Variants in SYNPO2 observed in about 807,000 individuals in gnomAD.
The protein encoded by SYNPO2 is synaptopodin 2.
SYNPO2 carries 56 observed loss-of-function variants against 85.0 expected under a neutral mutation model. The ratio of observed to expected loss-of-function variants is 0.66; its 90% CI spans 0.53 to 0.82. The LOEUF is 0.82. Among genes scored for constraint, SYNPO2 ranks in the 40% least tolerant of loss-of-function variants. The pLI is 0.00. For synonymous variants in SYNPO2, 602 were observed against 591.1 expected (o/e 1.02, Z -0.27); for missense variants, 1,575 against 1,534.2 (o/e 1.03, Z -0.44).
chr4:119,038,623 A>ATAAT (rs1738610470), intron 4 of SYNPO2: 1 of 914,548 alleles, frequency 1.1e-6, no homozygotes, highest in African/African-American at 1.8e-5. Context: ...TACTAAACCA[A>ATAAT]TAATAACTTA....
Position 119,059,207 on chromosome 4 carries a change from G to A in SYNPO2, c.*1273G>A, listed in dbSNP as rs1024439457. 2 of 152,188 alleles carry A rather than the reference G, an allele frequency of 1.3e-5. No homozygotes were observed. Among genetic ancestry groups the A allele is most frequent in the Non-Finnish European group, 2.9e-5 (2 of 68,032 alleles). 9.4% of individuals were successfully genotyped at this position (152,188 alleles called of 1,614,324 possible). A position where few individuals can be genotyped will look rare whatever the true frequency, so the allele number is the denominator to read the frequency against. ...TGTTAGGCGGCAGGCTTTGTGTTAC[G>A]TGTTACATGGAGTGAGGGTAGATGT... On this transcript the variant is annotated 3_prime_UTR_variant, in exon 5 of 5. Coordinates refer to ENST00000307142, the MANE Select transcript of SYNPO2 (RefSeq NM_133477.3).
chr4:119,019,592 C>T (rs1032758770), intron 1 of SYNPO2, among the ~76,000 whole-genome samples: 3 of 152,104 alleles, frequency 2.0e-5, no homozygotes, highest in Admixed American at 2.0e-4. Context: ...TCTGAATTCA[C>T]CAGTCCCTTC....
chr4:119,023,641 C>A, intron 2 of SYNPO2, 60 bp downstream of exon 2: 1 of 1,552,274 alleles, frequency 6.4e-7, no homozygotes, highest in Non-Finnish European at 8.7e-7. Flanking sequence ...ATGATTATAG[C>A]TTTTACTACA....
At chr4:118,945,314 A>G (rs553499136) in intron 1 of SYNPO2, among the ~76,000 whole-genome samples, 1 of 152,344 alleles carries the variant, frequency 6.6e-6, no homozygotes, top group Non-Finnish European at 1.5e-5. Flanking sequence ...CTTAATTGCC[A>G]AAGATCAATA....
At chr4:119,039,826 G>A (rs1430650078) in intron 4 of SYNPO2, among the ~76,000 whole-genome samples, 1 of 152,032 alleles carries the variant, frequency 6.6e-6, no homozygotes, top group Admixed American at 6.5e-5. Context: ...TTTTAATTTA[G>A]GAAAAGCAAA....
At chr4:118,864,446 A>G (rs1352270327) in intron 1 of SYNPO2, among the ~76,000 whole-genome samples, 1 of 152,240 alleles carries the variant, frequency 6.6e-6, no homozygotes, top group Non-Finnish European at 1.5e-5. Context: ...GTAAATATCT[A>G]TTAGGTCCAT....
chr4:118,992,842 C>T (rs11939869), intron 1 of SYNPO2, among the ~76,000 whole-genome samples: 2,543 of 152,266 alleles, frequency 0.017, 47 homozygotes, highest in African/African-American at 0.045. Flanking sequence ...GTTTCATAAG[C>T]GCCCACCAAT....
chr4:118,877,054 C>T (rs1731939372), intron 1 of SYNPO2, among the ~76,000 whole-genome samples: 1 of 152,006 alleles, frequency 6.6e-6, no homozygotes, highest in Non-Finnish European at 1.5e-5. Flanking sequence ...GACCCTCCTG[C>T]CTCAGCCTCC....
At chr4:118,915,829 CT>C (rs1383671633) in intron 1 of SYNPO2, among the ~76,000 whole-genome samples, 1 of 152,130 alleles carries the variant, frequency 6.6e-6, no homozygotes, top group African/African-American at 2.4e-5. Context: ...TCTACAACTT[CT>C]TAATGCTTCA....
At chr4:118,995,447 A>C (rs867102493) in intron 1 of SYNPO2, among the ~76,000 whole-genome samples, 7 of 152,082 alleles carry the variant, frequency 4.6e-5, no homozygotes, top group Non-Finnish European at 1.0e-4. Context: ...CCTCTCAAAA[A>C]CCCCATAAGA....
intron 1 of SYNPO2, among the ~76,000 whole-genome samples, chr4:118,890,085 C>T (rs1732311229): frequency 6.6e-6 from 1 of 150,874 alleles, no homozygotes; most frequent in African/African-American, 2.4e-5. Flanking sequence ...ATACATGGGC[C>T]ATTGCCTTTG....
At chr4:118,867,591 G>A (rs1268672216) in intron 1 of SYNPO2, among the ~76,000 whole-genome samples, 1 of 151,736 alleles carries the variant, frequency 6.6e-6, no homozygotes, top group Admixed American at 6.6e-5. Context: ...AATCAGTCAT[G>A]CCTACCGATT....
At chr4:118,937,777 C>G (rs1251904251) in intron 1 of SYNPO2, among the ~76,000 whole-genome samples, 1 of 152,186 alleles carries the variant, frequency 6.6e-6, no homozygotes, top group African/African-American at 2.4e-5. Context: ...GGTGTTCAAT[C>G]TATAATGGTT....
intron 1 of SYNPO2, among the ~76,000 whole-genome samples, chr4:118,867,425 C>T (rs1731719045): frequency 6.6e-6 from 1 of 150,886 alleles, no homozygotes; most frequent in Non-Finnish European, 1.5e-5. Context: ...TTTAGTTTTA[C>T]CATTATAGAG....
chr4:119,037,203 CA>C, intron 4 of SYNPO2: 1 of 1,529,850 alleles, frequency 6.5e-7, no homozygotes, highest in Non-Finnish European at 8.8e-7. Flanking sequence ...TGATAATACT[CA>C]AAATAACAAC....
chr4:119,032,633 A>T (rs1385642593), intron 4 of SYNPO2: 1 of 988,276 alleles, frequency 1.0e-6, no homozygotes. Flanking sequence ...AGAAGTGGGT[A>T]AGAAAGAGGG....
At chr4:118,862,574 T>C (rs56395344) in intron 1 of SYNPO2, among the ~76,000 whole-genome samples, 42,088 of 152,126 alleles carry the variant, frequency 0.28, 7,854 homozygotes, top group African/African-American at 0.53. Flanking sequence ...TCAGCATCAA[T>C]TGAAATGATC....
intron 1 of SYNPO2, among the ~76,000 whole-genome samples, chr4:118,961,650 TTC>T (rs1309770941): frequency 6.6e-6 from 1 of 152,188 alleles, no homozygotes; most frequent in Non-Finnish European, 1.5e-5. Flanking sequence ...TGTTAGCATT[TTC>T]TCTCTAAATT....
At position 119,012,393 on chromosome 4, in the gene SYNPO2, T is replaced by TA. The variant is rs1553946400; in HGVS notation, c.106-11036dup. On this transcript the variant is annotated intron_variant, in intron 1 of 4. Transcript: ENST00000307142. ...CCCTTTTCTTTTTTTTTTTTTTTTT[T>TA]ATTTTACTTTAAGTTCTGGGATACA... 6.3e-4 allele frequency among the ~76,000 whole-genome samples: 82 copies of TA among 130,844 alleles called. 1 individual carries two copies. Among genetic ancestry groups the TA allele is most frequent in the South Asian group, 2.9e-3 (12 of 4,150 alleles). 85.8% of individuals were successfully genotyped at this position (130,844 alleles called of 152,430 possible).
Sources: gnomAD v4.1 joint callset for allele counts (sites outside exome capture counted in the v4.1 genomes callset) on GRCh38, gnomAD v4.1.1 for gene constraint, MANE v1.5 for transcripts, NCBI Gene and HGNC (gene_info 2026-07-23, HGNC 2026-07-21) for gene names.